The following BORCS7 variants were observed in gnomAD, a reference collection of about 807,000 sequenced individuals.
BORCS7 encodes BLOC-1 related complex subunit 7.
A neutral mutation model predicts 17.5 loss-of-function variants in BORCS7; 20 were observed. The observed-to-expected ratio is 1.14, with a 90% CI of 0.80 to 1.66. BORCS7 has a LOEUF of 1.66. Ranked by LOEUF, BORCS7 falls within the 40% of genes most tolerant of loss-of-function variation. BORCS7 has a pLI of 0.00. For synonymous variants in BORCS7, 57 were observed against 49.8 expected, an observed-to-expected ratio of 1.14 and a Z score of -0.61; for missense variants, 122 against 129.7, an observed-to-expected ratio of 0.94 and a Z score of 0.29.
At chr10:102,862,588 G>T (rs1479701514) in intron 4 of BORCS7, among the ~76,000 whole-genome samples, 1 of 152,112 alleles carries the variant, frequency 6.6e-6, no homozygotes, top group African/African-American at 2.4e-5. Context: ...ACACTTCTGG[G>T]ACACAACTGG....
intron 2 of BORCS7, 33 bp downstream of exon 2, chr10:102,860,427 G>A: frequency 1.2e-6 from 2 of 1,611,416 alleles, no homozygotes; most frequent in Non-Finnish European, 1.7e-6. Flanking sequence ...AATGATTTGG[G>A]TTTATGTATA....
intron 3 of BORCS7, chr10:102,860,752 A>T (rs894893364): frequency 6.7e-5 from 41 of 614,690 alleles, no homozygotes; most frequent in Admixed American, 1.7e-4. Flanking sequence ...TCCACCCTTT[A>T]TGAACCTCCC....
At chr10:102,855,098 G>A (rs1381196747) in intron 1 of BORCS7, among the ~76,000 whole-genome samples, 4 of 148,724 alleles carry the variant, frequency 2.7e-5, no homozygotes, top group African/African-American at 9.9e-5. Context: ...AGACACTGTT[G>A]TCTTTTATGG....
intron 4 of BORCS7, 81 bp from the exon 5 acceptor site, chr10:102,862,792 A>G: frequency 7.2e-7 from 1 of 1,383,770 alleles, no homozygotes; most frequent in South Asian, 1.2e-5. Flanking sequence ...TAATGGAAAA[A>G]AAAAATTTGT....
At position 102,858,188 on chromosome 10, in the gene BORCS7, T is replaced by TAG. The variant is rs1564786361; in HGVS notation, c.142-2143_142-2142insGA. On this transcript the variant is annotated intron_variant, in intron 1 of 4. Coordinates refer to ENST00000339834, the MANE Select transcript of BORCS7 (RefSeq NM_001136200.2). Reference sequence around the variant, plus strand: ...TCAAAAAAAAAAAAATATATATATATATAGAGAGAGAGAGCGAGCGAGAGA... The same window carrying TAG: ...TCAAAAAAAAAAAAATATATATATATAGATAGAGAGAGAGAGCGAGCGAGAGA... Among the ~76,000 whole-genome samples, 310 of 106,376 alleles carry TAG rather than the reference T, an allele frequency of 2.9e-3. 1 individual carries two copies. Among genetic ancestry groups the TAG allele is most frequent in the African/African-American group, 9.9e-3 (293 of 29,600 alleles). The allele number at this position is 106,376 out of a possible 152,430, so 69.8% of individuals were successfully genotyped here. A position where few individuals can be genotyped will look rare whatever the true frequency, so the allele number is the denominator to read the frequency against.
Position 102,862,986 on chromosome 10 carries a change from C to T in BORCS7, c.*62C>T, listed in dbSNP as rs1590214204. Reference sequence around the variant, plus strand: ...AATGCTGAGGAGTAAATACCTTACACAGCTGTCCTCTGGGTTTGGTTTTCT... The same window carrying T: ...AATGCTGAGGAGTAAATACCTTACATAGCTGTCCTCTGGGTTTGGTTTTCT... On this transcript the variant is annotated 3_prime_UTR_variant, in exon 5 of 5. Transcript: ENST00000339834. 1 of 1,374,598 alleles carries T rather than the reference C, an allele frequency of 7.3e-7. No individual in the cohort carries two copies. Among genetic ancestry groups the T allele is most frequent in the South Asian group, 1.2e-5 (1 of 85,002 alleles). 85.2% of individuals were successfully genotyped at this position (1,374,598 alleles called of 1,614,324 possible).
rs751435070 is a variant in BORCS7 at position 102,860,456 on chromosome 10, G to A, written c.205-42G>A. On this transcript the variant is annotated intron_variant, in intron 2 of 4. Transcript: ENST00000339834. Reference sequence around the variant, plus strand: ...ATGTATATGGTTTGTGTGGCCACAGGGAAGTGGAAATGTTCTATTTCTCTC... The same window carrying A: ...ATGTATATGGTTTGTGTGGCCACAGAGAAGTGGAAATGTTCTATTTCTCTC... 7 of 1,610,080 alleles carry A rather than the reference G, an allele frequency of 4.3e-6. No individual in the cohort carries two copies. In the South Asian group the frequency reaches 6.6e-5, roughly 15 times the overall value.
intron 3 of BORCS7, among the ~76,000 whole-genome samples, chr10:102,861,243 C>T (rs879172631): frequency 4.0e-5 from 6 of 151,812 alleles, no homozygotes; most frequent in Middle Eastern, 3.4e-3. Context: ...GGTGAAACCC[C>T]GTCTCTACTA....
In BORCS7 at chr10:102,858,479, G is replaced by A. The variant is rs908458715; in HGVS notation, c.142-1853G>A. Among the ~76,000 whole-genome samples, 89 of 151,782 alleles carry A rather than the reference G, an allele frequency of 5.9e-4. 1 individual carries two copies. The highest frequency in any genetic ancestry group is 2.4e-4 in the Non-Finnish European group (16 of 67,938). On this transcript the variant is annotated intron_variant, in intron 1 of 4. Transcript: ENST00000339834. ...AGCCTGGCCAACACAGTGAAACCTC[G>A]TCTCTACTAAAAATATAAAAATTAG... is the stretch of plus-strand genomic sequence containing the variant.
In BORCS7 at chr10:102,862,967, G is replaced by A. The variant is rs374537175; in HGVS notation, c.*43G>A. ...CTGTAGGACTCCTTTGCCTAATGCT[G>A]AGGAGTAAATACCTTACACAGCTGT... On this transcript the variant is annotated 3_prime_UTR_variant, in exon 5 of 5. Coordinates refer to ENST00000339834, the MANE Select transcript of BORCS7 (RefSeq NM_001136200.2). 44 of 1,474,244 alleles carry A rather than the reference G, an allele frequency of 3.0e-5. No individual in the cohort carries two copies. In the African/African-American group the frequency reaches 5.3e-4, roughly 18 times the overall value. The allele number at this position is 1,474,244 out of a possible 1,614,324, so 91.3% of individuals were successfully genotyped here.
In BORCS7 at chr10:102,862,153, G is replaced by A. The variant is rs1455502006; in HGVS notation, c.249-7G>A. On this transcript the variant is annotated splice_polypyrimidine_tract_variant and splice_region_variant and intron_variant, in intron 3 of 4. Coordinates refer to ENST00000339834, the MANE Select transcript of BORCS7 (RefSeq NM_001136200.2). ...TGTGTATTTTCCTCTTTCCTTTTCT[G>A]ATTTAGGCAAGAAGCTATTCAGAAG... 1.2e-6 allele frequency: 2 copies of A among 1,606,718 alleles called. No individual in the cohort carries two copies. The highest frequency in any genetic ancestry group is 2.2e-5 in the South Asian group (2 of 90,872).
In BORCS7 at chr10:102,860,562, A is replaced by G. The variant is rs749160725; in HGVS notation, c.248+21A>G. Reference sequence around the variant, plus strand: ...TACCAGTGAGTATGCCCCCTCCAGCAACTATTTGCTGCAGAATCATTATCC... The same window carrying G: ...TACCAGTGAGTATGCCCCCTCCAGCGACTATTTGCTGCAGAATCATTATCC... On this transcript the variant is annotated intron_variant, in intron 3 of 4. Transcript: ENST00000339834. 1.9e-6 allele frequency: 3 copies of G among 1,608,122 alleles called. No homozygotes were observed. In the East Asian group the frequency reaches 6.7e-5, roughly 36 times the overall value.
chr10:102,856,562 A>G (rs1347981261), intron 1 of BORCS7, among the ~76,000 whole-genome samples: 3 of 152,254 alleles, frequency 2.0e-5, no homozygotes, highest in African/African-American at 7.2e-5. Flanking sequence ...ACACTTGTTG[A>G]AGATGAGTAG....
At chr10:102,862,129 G>A (rs1844531937) in intron 3 of BORCS7, 31 bp from the exon 4 acceptor site, 2 of 1,583,210 alleles carry the variant, frequency 1.3e-6, no homozygotes, top group African/African-American at 2.7e-5. Flanking sequence ...GTTCACTTAT[G>A]TGTATTTTCC....
chr10:102,863,202 G>C lies in BORCS7; in HGVS notation c.*278G>C, dbSNP rs1367618392. 7.9e-6 allele frequency: 2 copies of C among 252,634 alleles called. No individual in the cohort carries two copies. The highest frequency in any genetic ancestry group is 1.9e-4 in the East Asian group (2 of 10,676). The allele number at this position is 252,634 out of a possible 1,614,324, so 15.6% of individuals were successfully genotyped here. A position where few individuals can be genotyped will look rare whatever the true frequency, so the allele number is the denominator to read the frequency against. ...TACAAAGAATTAGCTGGGCGTGGTG[G>C]CGGGCGCCTGTAATCCCAGCTACTC... On this transcript the variant is annotated 3_prime_UTR_variant, in exon 5 of 5. Transcript: ENST00000339834.
At chr10:102,857,610 A>G (rs1312813378) in intron 1 of BORCS7, among the ~76,000 whole-genome samples, 4 of 152,168 alleles carry the variant, frequency 2.6e-5, no homozygotes, top group Admixed American at 2.0e-4. Context: ...AAGATAGGAG[A>G]TATTTGTAAC....
intron 1 of BORCS7, among the ~76,000 whole-genome samples, chr10:102,854,788 G>T (rs775846179): frequency 1.3e-5 from 2 of 151,194 alleles, no homozygotes; most frequent in Admixed American, 6.6e-5. Flanking sequence ...AGCCGAGCGT[G>T]GTGGCACATG....
chr10:102,862,966 T>C lies in BORCS7; in HGVS notation c.*42T>C, dbSNP rs1034868828. 1 of 1,476,816 alleles carries C rather than the reference T, an allele frequency of 6.8e-7. No homozygotes were observed. The highest frequency in any genetic ancestry group is 9.5e-7 in the Non-Finnish European group (1 of 1,055,084). The allele number at this position is 1,476,816 out of a possible 1,614,324, so 91.5% of individuals were successfully genotyped here. On this transcript the variant is annotated 3_prime_UTR_variant, in exon 5 of 5. Coordinates refer to ENST00000339834, the MANE Select transcript of BORCS7 (RefSeq NM_001136200.2). The stretch of plus-strand genomic sequence containing the variant: ...GCTGTAGGACTCCTTTGCCTAATGC[T>C]GAGGAGTAAATACCTTACACAGCTG...
intron 3 of BORCS7, among the ~76,000 whole-genome samples, chr10:102,861,419 GAAAA>G (rs745985677): frequency 2.0e-5 from 2 of 101,952 alleles, no homozygotes; most frequent in South Asian, 3.0e-4. Context: ...TCTGCCTCCA[GAAAA>G]AAAAAAAAAG....
Sources: allele counts gnomAD v4.1 joint callset (sites outside exome capture counted in the v4.1 genomes callset), GRCh38; gene constraint gnomAD v4.1.1; transcripts MANE v1.5; gene names NCBI Gene and HGNC (gene_info 2026-07-23, HGNC 2026-07-21).